The following OLFM1 variants were observed in gnomAD, a reference collection of about 807,000 sequenced individuals.
OLFM1 encodes noelin.
OLFM1 carries 9 observed loss-of-function variants against 49.7 expected under a neutral mutation model. That is an observed-to-expected ratio of 0.18 (90% CI 0.11 to 0.32). The LOEUF is 0.32. Among genes scored for constraint, OLFM1 ranks in the 10% least tolerant of loss-of-function variants. The pLI is 1.00. For synonymous variants in OLFM1, 240 were observed against 271.8 expected (o/e 0.88, Z 1.15); for missense variants, 369 against 661.8 (o/e 0.56, Z 4.85).
intron 3 of OLFM1, chr9:135,097,670 A>G (rs1291886678): frequency 4.6e-6 from 4 of 877,694 alleles, no homozygotes; most frequent in African/African-American, 1.6e-5. Context: ...CTCGAGCATT[A>G]CAGTGGGATT....
chr9:135,116,469 G>A (rs1320081488), intron 5 of OLFM1, among the ~76,000 whole-genome samples: 1 of 152,134 alleles, frequency 6.6e-6, no homozygotes, highest in Non-Finnish European at 1.5e-5. Context: ...GTTGATGCTG[G>A]TGTATCCCCC....
At chr9:135,116,319 G>T (rs571408680) in intron 5 of OLFM1, among the ~76,000 whole-genome samples, 1 of 152,234 alleles carries the variant, frequency 6.6e-6, no homozygotes, top group African/African-American at 2.4e-5. Context: ...CGCTCAGAGC[G>T]GCCTCCCCTG....
chr9:135,099,141 A>G (rs1342969581), intron 4 of OLFM1, among the ~76,000 whole-genome samples: 1 of 152,254 alleles, frequency 6.6e-6, no homozygotes, highest in South Asian at 2.1e-4. Flanking sequence ...GTTAATTACT[A>G]GGAGAAATAT....
At chr9:135,084,417 TTCTGTCTCTCCTC>T (rs1257709976), upstream of OLFM1, among the ~76,000 whole-genome samples, 1 of 146,478 alleles carries the variant, frequency 6.8e-6, no homozygotes, top group Non-Finnish European at 1.5e-5. This position sits in a 1 kb window ranked among gnomAD's most constrained non-coding sequence, Gnocchi z 4.6. Context: ...TCTGTCTCTC[TTCTGTCTCTCCTC>T]TCTGTCTCTA....
intron 2 of OLFM1, 42 bp downstream of exon 2, chr9:135,090,386 T>TTTG (rs1830668275): frequency 2.8e-5 from 34 of 1,203,694 alleles, no homozygotes; most frequent in African/African-American, 4.7e-5. Context: ...GTGTGTGTGT[T>TTTG]TGTGTGTGTG....
chr9:135,102,104 T>C (rs189443981), intron 4 of OLFM1, among the ~76,000 whole-genome samples: 41 of 152,334 alleles, frequency 2.7e-4, no homozygotes, highest in Non-Finnish European at 2.5e-4. Context: ...CGCTGGGAGC[T>C]GGGCCTGCCT....
chr9:135,107,550 A>AT (rs1830962778), intron 5 of OLFM1, among the ~76,000 whole-genome samples: 1 of 151,782 alleles, frequency 6.6e-6, no homozygotes, highest in Non-Finnish European at 1.5e-5. Flanking sequence ...AGACCCCTGT[A>AT]TACAGGCAGC....
At chr9:135,075,717 G>C in exon 1 of OLFM1, 1 of 1,600,058 alleles carries the variant, frequency 6.2e-7, no homozygotes, top group Admixed American at 1.7e-5. Context: ...ATGCCAGGTC[G>C]TTGGAGGTGG....
chr9:135,112,792 AC>A (rs759600344), intron 5 of OLFM1, among the ~76,000 whole-genome samples: 1 of 152,176 alleles, frequency 6.6e-6, no homozygotes, highest in African/African-American at 2.4e-5. Context: ...AGGGGCACAG[AC>A]GGACCACCAC....
At chr9:135,082,040 G>A (rs537611795) in intron 1 of OLFM1, among the ~76,000 whole-genome samples, 16 of 152,320 alleles carry the variant, frequency 1.1e-4, no homozygotes, top group African/African-American at 2.6e-4. Context: ...CAAAGCTCAC[G>A]CCCCTGCCTG....
Position 135,120,299 on chromosome 9 carries a change from G to C in OLFM1, c.*121G>C. On this transcript the variant is annotated 3_prime_UTR_variant, in exon 6 of 6. Transcript: ENST00000371793. ...GATCTTGAAAAATCATCAGCAGTGCGGATTCTGACATCGAGGGATGGCATT... is the reference window on the plus strand; with the variant it reads ...GATCTTGAAAAATCATCAGCAGTGCCGATTCTGACATCGAGGGATGGCATT... The C allele has an allele frequency of 1.2e-6, 1 of 860,060 alleles. No homozygotes were observed. The highest frequency in any genetic ancestry group is 1.8e-6 in the Non-Finnish European group (1 of 567,748). The allele number at this position is 860,060 out of a possible 1,614,324, so 53.3% of individuals were successfully genotyped here.
At chr9:135,086,508 T>C, upstream of OLFM1, 1 of 402,570 alleles carries the variant, frequency 2.5e-6, no homozygotes, top group Non-Finnish European at 5.0e-6. Context: ...GTCTTTCAAA[T>C]CCCATCCAGG....
rs1830669411 is a variant in OLFM1, at chr9:135,090,426, ACCAGCACC to A, written c.300+83_300+90del. The A allele has an allele frequency of 2.1e-6, 3 of 1,411,554 alleles. No homozygotes were observed. The African/African-American group carries it at 4.2e-5, about 20-fold the overall frequency. The allele number at this position is 1,411,554 out of a possible 1,614,324, so 87.4% of individuals were successfully genotyped here. ...TGTGTGTACATGCCTGTGTGCTCACACCAGCACCAAGGCTTGGCTAGCTTGCAGGCCCC... is the reference window on the plus strand; with the variant it reads ...TGTGTGTACATGCCTGTGTGCTCACAAAGGCTTGGCTAGCTTGCAGGCCCC... On this transcript the variant is annotated intron_variant, in intron 2 of 5. Coordinates refer to ENST00000371793, the MANE Select transcript of OLFM1 (RefSeq NM_001282611.2).
At chr9:135,082,837 G>A (rs544849964), upstream of OLFM1, among the ~76,000 whole-genome samples, 2 of 152,284 alleles carry the variant, frequency 1.3e-5, no homozygotes, top group South Asian at 2.1e-4. Flanking sequence ...GGCTAAGAAC[G>A]TTTCCGAGGC....
At chr9:135,075,744 C>G (rs115219791) in exon 1 of OLFM1, 3 of 1,606,074 alleles carry the variant, frequency 1.9e-6, no homozygotes, top group African/African-American at 1.4e-5. Flanking sequence ...GACATGCACC[C>G]GGCCCGGAAG....
intron 1 of OLFM1, among the ~76,000 whole-genome samples, chr9:135,082,359 A>AC (rs1830543913): frequency 6.6e-6 from 1 of 151,526 alleles, no homozygotes; most frequent in South Asian, 2.1e-4. Context: ...GGGAGTTTAA[A>AC]CCCTGCCGCG....
chr9:135,110,536 G>A (rs1412165366), intron 5 of OLFM1, among the ~76,000 whole-genome samples: 3 of 152,154 alleles, frequency 2.0e-5, no homozygotes, highest in Admixed American at 6.5e-5. Flanking sequence ...AGGATCCCAC[G>A]GAATCTTTTT....
upstream of OLFM1, among the ~76,000 whole-genome samples, chr9:135,084,835 G>A (rs889453434): frequency 4.6e-5 from 7 of 152,100 alleles, no homozygotes; most frequent in Admixed American, 2.0e-4. This position sits in a 1 kb window ranked among gnomAD's most constrained non-coding sequence, Gnocchi z 4.6. Context: ...TGCATCCTGC[G>A]GACCTCACTG....
upstream of OLFM1, chr9:135,087,343 G>A (rs1295878189): frequency 7.8e-6 from 12 of 1,542,568 alleles, no homozygotes; most frequent in Admixed American, 1.2e-4. Context: ...GACCCTCTGC[G>A]GGGATCGGAG....
Sources: allele counts gnomAD v4.1 joint callset (sites outside exome capture counted in the v4.1 genomes callset), GRCh38; gene constraint gnomAD v4.1.1; non-coding constraint Gnocchi (gnomAD v3.1); transcripts MANE v1.5; gene names NCBI Gene and HGNC (gene_info 2026-07-23, HGNC 2026-07-21).